The following EIF3E variants were observed in gnomAD, a reference collection of about 807,000 sequenced individuals.
EIF3E encodes eukaryotic translation initiation factor 3 subunit E.
In EIF3E, 25 loss-of-function variants were observed where a neutral mutation model predicts 59.3. That is an observed-to-expected ratio of 0.42 (90% confidence interval 0.31 to 0.59). EIF3E has a LOEUF of 0.59. EIF3E is among the 20% of genes least tolerant of loss of function. The pLI is 0.15. For synonymous variants in EIF3E, 176 were observed against 170.2 expected (o/e 1.03, Z -0.26); for missense variants, 317 against 534.3 (o/e 0.59, Z 4.01).
chr8:108,213,809 T>A (rs1316436717), intron 10 of EIF3E, among the ~76,000 whole-genome samples: 1 of 152,214 alleles, frequency 6.6e-6, no homozygotes, highest in Non-Finnish European at 1.5e-5. Flanking sequence ...AAAAATCCCA[T>A]GATTATACTA....
intron 10 of EIF3E, among the ~76,000 whole-genome samples, chr8:108,204,746 T>TATATATATAGAGAG (rs1354950271): frequency 1.4e-4 from 16 of 113,676 alleles, no homozygotes; most frequent in East Asian, 8.6e-4. Context: ...TATATATATA[T>TATATATATAGAGAG]AGAGAGAGAG....
intron 10 of EIF3E, among the ~76,000 whole-genome samples, chr8:108,208,206 T>C (rs1481626545): frequency 3.9e-5 from 6 of 152,134 alleles, no homozygotes; most frequent in Admixed American, 6.6e-5. Flanking sequence ...CCTGTCTTAT[T>C]AATTACCTCT....
At position 108,228,287 on chromosome 8, in the gene EIF3E, G is replaced by A. The variant is rs1815555505; in HGVS notation, c.702C>T (p.Asp234=). The change falls in exon 7 of 13, where the codon GAC becomes GAT. Residue 234 remains aspartate, a synonymous_variant. Coordinates refer to ENST00000220849, the MANE Select transcript of EIF3E (RefSeq NM_001568.3). ...CTTACTGTGGCTGATAAAGGAAGAG[G>A]TCAATAATATTATCGCGACCTTTGG... ...NHPKGRDNII[D]LFLYQPQYLN... 4.4e-6 allele frequency: 7 copies of A among 1,601,372 alleles called. No homozygotes were observed. The highest frequency in any genetic ancestry group is 1.3e-5 in the African/African-American group (1 of 74,204).
chr8:108,244,154 TAA>T (rs1435760746), intron 1 of EIF3E, among the ~76,000 whole-genome samples: 6 of 152,166 alleles, frequency 3.9e-5, no homozygotes, highest in Non-Finnish European at 7.4e-5. Context: ...ATAATAACAG[TAA>T]AAGTTTTTGT....
At chr8:108,206,132 T>C (rs986454781) in intron 10 of EIF3E, among the ~76,000 whole-genome samples, 14 of 152,122 alleles carry the variant, frequency 9.2e-5, no homozygotes, top group Admixed American at 7.2e-4. Context: ...TTTTACTTTG[T>C]TGACATTTAC....
chr8:108,223,282 C>G (rs1362152359), intron 7 of EIF3E, among the ~76,000 whole-genome samples: 2 of 152,124 alleles, frequency 1.3e-5, no homozygotes, highest in Non-Finnish European at 2.9e-5. Context: ...AAGGGAAGTG[C>G]ATTTCATGAA....
chr8:108,216,134 A>G (rs564612327), intron 9 of EIF3E, among the ~76,000 whole-genome samples: 10 of 152,302 alleles, frequency 6.6e-5, no homozygotes, highest in African/African-American at 2.4e-4. Context: ...AATTACCCCC[A>G]ATGTTTTAAC....
At chr8:108,214,848 CTG>C (rs1268159879) in intron 9 of EIF3E, 132 bp from the exon 10 acceptor site, 6 of 716,732 alleles carry the variant, frequency 8.4e-6, no homozygotes, top group African/African-American at 7.4e-5. Context: ...TTCTAGAACA[CTG>C]TGTTCAAATC....
At chr8:108,241,580 A>C (rs1006222621) in intron 2 of EIF3E, among the ~76,000 whole-genome samples, 8 of 152,250 alleles carry the variant, frequency 5.3e-5, no homozygotes, top group Non-Finnish European at 1.0e-4. Context: ...AAATGAAGGC[A>C]TCTGATGACC....
At chr8:108,232,331 AT>A (rs893082034) in intron 5 of EIF3E, among the ~76,000 whole-genome samples, 13 of 152,198 alleles carry the variant, frequency 8.5e-5, no homozygotes, top group African/African-American at 3.1e-4. Context: ...ACTTTTTAGA[AT>A]TTCCAGTAAC....
At chr8:108,236,784 G>A (rs188553538) in intron 3 of EIF3E, among the ~76,000 whole-genome samples, 2 of 152,272 alleles carry the variant, frequency 1.3e-5, no homozygotes, top group East Asian at 3.9e-4. Context: ...CACTTTGGGA[G>A]GCCGAGGCAG....
chr8:108,236,936 C>A (rs1280319275), intron 3 of EIF3E, among the ~76,000 whole-genome samples: 1 of 151,822 alleles, frequency 6.6e-6, no homozygotes, highest in African/African-American at 2.4e-5. Flanking sequence ...GCAGGAGAAT[C>A]GCTTGAACCT....
At chr8:108,205,330 G>A (rs73304553) in intron 10 of EIF3E, among the ~76,000 whole-genome samples, 11,082 of 152,164 alleles carry the variant, frequency 0.073, 1,279 homozygotes, top group African/African-American at 0.24. Flanking sequence ...CTCATACACA[G>A]GAGACGATAA....
At position 108,203,001 on chromosome 8, in the gene EIF3E, A is replaced by AT; in HGVS notation, c.1280dup (p.Asn427LysfsTer4). On this transcript the variant is annotated frameshift_variant, in exon 12 of 13. Coordinates refer to ENST00000220849, the MANE Select transcript of EIF3E (RefSeq NM_001568.3). LOFTEE classifies it high-confidence loss of function. ...TTCTTACCTCTGACCTGCTATTCTG[A>AT]TTAAGTTTCTTCTCAATATTCATGG... The AT allele has an allele frequency of 6.2e-7, 1 of 1,612,448 alleles. No homozygotes were observed. The highest frequency in any genetic ancestry group is 8.5e-7 in the Non-Finnish European group (1 of 1,178,928).
intron 10 of EIF3E, among the ~76,000 whole-genome samples, chr8:108,210,497 G>C (rs908411723): frequency 6.6e-6 from 1 of 152,098 alleles, no homozygotes; most frequent in Admixed American, 6.6e-5. Context: ...TTTTAGCTCT[G>C]TTGGTCATTA....
At chr8:108,234,885 TG>T (rs1184060506) in intron 5 of EIF3E, 112 bp downstream of exon 5, 1 of 520,838 alleles carries the variant, frequency 1.9e-6, no homozygotes, top group Admixed American at 4.3e-5. Context: ...TGCCAATGAC[TG>T]TTGAAAACTT....
At chr8:108,208,249 T>C (rs1377616947) in intron 10 of EIF3E, among the ~76,000 whole-genome samples, 7 of 152,132 alleles carry the variant, frequency 4.6e-5, no homozygotes, top group East Asian at 1.9e-4. Context: ...TTTTATCTGA[T>C]AGGCACAATT....
chr8:108,235,080 G>A lies in EIF3E; in HGVS notation c.389C>T (p.Thr130Ile). The part of the protein sequence containing the change: ...KHGFRQEYLD[T>I]LYRYAKFQYE... ...CTGGAATTTTGCATATCTGTAGAGT[G>A]TATCTAAATATTCCTGCCTAAACTA... Residue 130 changes from threonine to isoleucine, a missense_variant, in exon 5 of 13, where the codon ACA becomes ATA. Transcript: ENST00000220849. The A allele has an allele frequency of 1.3e-6, 2 of 1,561,960 alleles. No individual in the cohort carries two copies. The highest frequency in any genetic ancestry group is 1.7e-6 in the Non-Finnish European group (2 of 1,160,356).
rs16877464 is a variant in EIF3E at position 108,217,046 on chromosome 8, A to C, written c.849+288T>G. ...AATGACCCCCACCTCCAGGTTCCAG[A>C]TTTTCTTCACTCTTTGCAATAAGAG... On this transcript the variant is annotated intron_variant, in intron 8 of 12. Coordinates refer to ENST00000220849, the MANE Select transcript of EIF3E (RefSeq NM_001568.3). Among the ~76,000 whole-genome samples, 1,116 of 152,186 alleles carry C rather than the reference A, an allele frequency of 7.3e-3. 16 individuals carry two copies. Among genetic ancestry groups the C allele is most frequent in the African/African-American group, 0.026 (1,059 of 41,510 alleles).
Sources: allele counts gnomAD v4.1 joint callset (sites outside exome capture counted in the v4.1 genomes callset), GRCh38; gene constraint gnomAD v4.1.1; transcripts MANE v1.5; gene names NCBI Gene and HGNC (gene_info 2026-07-23, HGNC 2026-07-21).